The following MAP7D1 variants were observed in gnomAD, a reference collection of about 807,000 sequenced individuals.
MAP7D1 encodes the protein MAP7 domain-containing protein 1.
In MAP7D1, 30 loss-of-function variants were observed where a neutral mutation model predicts 97.5. The ratio of observed to expected loss-of-function variants is 0.31; its 90% CI spans 0.23 to 0.42. MAP7D1 has a LOEUF of 0.42. MAP7D1 is among the 10% of genes least tolerant of loss of function. The pLI is 1.00. For missense variants in MAP7D1, 1,184 were observed against 1,179.5 expected (o/e 1.00, Z -0.06); for synonymous variants, 536 against 477.1 (o/e 1.12, Z -1.61).
At chr1:36,162,743 C>CT (rs1421496714) in intron 1 of MAP7D1, among the ~76,000 whole-genome samples, 1 of 152,188 alleles carries the variant, frequency 6.6e-6, no homozygotes, top group Non-Finnish European at 1.5e-5. Context: ...TTTAGAGAGA[C>CT]TAAGCTTTGG....
Position 36,176,101 on chromosome 1 carries a change from G to C in MAP7D1, c.851-98G>C. 7.2e-7 allele frequency: 1 copy of C among 1,383,950 alleles called. No individual in the cohort carries two copies. Among genetic ancestry groups the C allele is most frequent in the Non-Finnish European group, 9.8e-7 (1 of 1,022,642 alleles). The allele number at this position is 1,383,950 out of a possible 1,614,324, so 85.7% of individuals were successfully genotyped here. ...AGAGGACTCCCGGGTGAGAAGCCTT[G>C]GCCTTGGCATGGGGATGGTGCCTGG... On this transcript the variant is annotated intron_variant, in intron 6 of 16. Transcript: ENST00000474796. This position sits in a 1 kb window ranked among gnomAD's most constrained non-coding sequence, Gnocchi z 6.1.
intron 1 of MAP7D1, among the ~76,000 whole-genome samples, chr1:36,167,244 C>T (rs1419240678): frequency 6.6e-6 from 1 of 152,152 alleles, no homozygotes; most frequent in Non-Finnish European, 1.5e-5. Flanking sequence ...GCAAAGATGA[C>T]TGAGAAATGA....
At chr1:36,172,373 G>C in intron 3 of MAP7D1, 91 bp from the exon 4 acceptor site, 1 of 1,298,726 alleles carries the variant, frequency 7.7e-7, no homozygotes, top group South Asian at 2.2e-5. Context: ...CCAGGGCATG[G>C]GTAGCAGGGC....
chr1:36,164,987 G>C (rs1307315565), intron 1 of MAP7D1, among the ~76,000 whole-genome samples: 1 of 152,210 alleles, frequency 6.6e-6, no homozygotes, highest in Non-Finnish European at 1.5e-5. Context: ...GCAAAAATTT[G>C]TGCCCTCATA....
At position 36,179,300 on chromosome 1, in the gene MAP7D1, A is replaced by G; in HGVS notation, c.2169A>G (p.Glu723=). Residue 723 remains glutamate, a synonymous_variant, in exon 13 of 17, where the codon GAA becomes GAG. Transcript: ENST00000474796. ...EEIMKRTRKS[E]VSETKKQDSK... ...TCATGAAGAGGACTCGGAAGTCAGA[A>G]GTTTCTGAAACCAAGGTCAGAATTC... The G allele has an allele frequency of 4.3e-6, 7 of 1,614,092 alleles. No homozygotes were observed. The highest frequency in any genetic ancestry group is 5.9e-6 in the Non-Finnish European group (7 of 1,179,994).
At chr1:36,170,354 A>G (rs972489450) in intron 1 of MAP7D1, among the ~76,000 whole-genome samples, 3 of 152,260 alleles carry the variant, frequency 2.0e-5, no homozygotes, top group African/African-American at 7.2e-5. Context: ...ACAGCAAAGC[A>G]TTCCACTAGA....
Position 36,159,417 on chromosome 1 carries a change from G to A in MAP7D1, c.46+2954G>A, listed in dbSNP as rs1047210712. Among the ~76,000 whole-genome samples the A allele has an allele frequency of 2.0e-5, 3 of 152,122 alleles. No individual in the cohort carries two copies. The highest frequency in any genetic ancestry group is 7.2e-5 in the African/African-American group (3 of 41,424). On this transcript the variant is annotated intron_variant, in intron 1 of 16. Transcript: ENST00000474796. The surrounding 1 kb of genome is among the most constrained non-coding windows in gnomAD (Gnocchi z 5.4). Reference sequence around the variant, plus strand: ...CAGAAGCCTGAGATGTGATTGATTAGAATTGTAGGAGGTAAGTATAGGACA... The same window carrying A: ...CAGAAGCCTGAGATGTGATTGATTAAAATTGTAGGAGGTAAGTATAGGACA...
intron 3 of MAP7D1, chr1:36,171,834 T>A (rs1299926729): frequency 3.2e-6 from 1 of 314,772 alleles, no homozygotes; most frequent in Admixed American, 4.5e-5. Context: ...CTCGGGAGAC[T>A]GAGATAGGAG....
Position 36,176,562 on chromosome 1 carries a change from G to C in MAP7D1, c.1214G>C (p.Arg405Pro), listed in dbSNP as rs768306601. The C allele has an allele frequency of 6.8e-7, 1 of 1,476,722 alleles. No homozygotes were observed. Among genetic ancestry groups the C allele is most frequent in the East Asian group, 2.5e-5 (1 of 40,282 alleles). The allele number at this position is 1,476,722 out of a possible 1,614,324, so 91.5% of individuals were successfully genotyped here. ...GGGGGCAGCCCCGCTCCGGTGCGCC[G>C]CCGGCCGGAGGCCTCGCCGGTGAGT... Reference protein sequence around the residue: ...NAGGSPAPVRRRPEASPVQKK... With the variant: ...NAGGSPAPVRPRPEASPVQKK... The change falls in exon 7 of 17, where the codon CGC (arginine) becomes CCC (proline). Residue 405 changes from arginine (R) to proline (P), a missense_variant. Transcript: ENST00000474796. The surrounding 1 kb of genome is among the most constrained non-coding windows in gnomAD (Gnocchi z 6.1).
chr1:36,160,174 A>T (rs1644388753), intron 1 of MAP7D1, among the ~76,000 whole-genome samples: 1 of 152,194 alleles, frequency 6.6e-6, no homozygotes, highest in Admixed American at 6.5e-5. Context: ...CCTTGGGGCT[A>T]GTGAGGGAGC....
intron 1 of MAP7D1, among the ~76,000 whole-genome samples, chr1:36,161,763 T>C (rs949500474): frequency 6.6e-6 from 1 of 152,130 alleles, no homozygotes; most frequent in Non-Finnish European, 1.5e-5. Context: ...AGGCTTTGTC[T>C]GTTTCTTAGA....
At chr1:36,165,529 C>T (rs1443364789) in intron 1 of MAP7D1, among the ~76,000 whole-genome samples, 2 of 148,620 alleles carry the variant, frequency 1.3e-5, no homozygotes, top group Admixed American at 6.8e-5. Flanking sequence ...GCAGCATGCT[C>T]ATAGTTCACT....
At chr1:36,174,856 CTG>C in intron 5 of MAP7D1, 40 bp from the exon 6 acceptor site, 12 of 1,309,682 alleles carry the variant, frequency 9.2e-6, no homozygotes, top group Non-Finnish European at 1.3e-5. Context: ...CCACTGGCTC[CTG>C]CCGGGCCCGG....
At chr1:36,179,448 G>C (rs1333464522) in intron 13 of MAP7D1, 67 bp from the exon 14 acceptor site, 1 of 1,575,802 alleles carries the variant, frequency 6.3e-7, no homozygotes. Context: ...GGGGAGGGCC[G>C]AACTCAGTCC....
chr1:36,180,018 G>A lies in MAP7D1; in HGVS notation c.2463G>A (p.Glu821=). ...RTPETLLPFA[E]AEAFLKKAVV... ...CAGAGACACTCCTGCCCTTTGCAGA[G>A]GCAGAAGCCTTCCTCAAGAAAGCTG... Residue 821 remains glutamate, a synonymous_variant, in exon 16 of 17, where the codon GAG becomes GAA. Transcript: ENST00000474796. 1 of 1,614,176 alleles carries A rather than the reference G, an allele frequency of 6.2e-7. No individual in the cohort carries two copies. Among genetic ancestry groups the A allele is most frequent in the Non-Finnish European group, 8.5e-7 (1 of 1,180,026 alleles).
chr1:36,171,458 G>A, intron 2 of MAP7D1, 55 bp from the exon 3 acceptor site: 1 of 1,601,800 alleles, frequency 6.2e-7, no homozygotes, highest in Non-Finnish European at 8.5e-7. Flanking sequence ...ATCTGAGGCT[G>A]ACTCCTCTTT....
chr1:36,171,617 G>A (rs750210740), intron 3 of MAP7D1, 36 bp downstream of exon 3: 15 of 1,606,234 alleles, frequency 9.3e-6, no homozygotes, highest in Middle Eastern at 1.7e-4. Flanking sequence ...CTTCTTCATC[G>A]TCATCATCAG....
At position 36,176,825 on chromosome 1, in the gene MAP7D1, C is replaced by T; in HGVS notation, c.1362C>T (p.Ser454=). The change falls in exon 8 of 17, where the codon AGC becomes AGT. Residue 454 remains serine (S), a synonymous_variant. Coordinates refer to ENST00000474796, the MANE Select transcript of MAP7D1 (RefSeq NM_001388490.1). This position sits in a 1 kb window ranked among gnomAD's most constrained non-coding sequence, Gnocchi z 6.1. Reference sequence around the variant, plus strand: ...CCCCACGTGCCCGCCTCTCTGCCAGCACCGCCTCTGAGCTCAGGTGGGCGC... The same window carrying T: ...CCCCACGTGCCCGCCTCTCTGCCAGTACCGCCTCTGAGCTCAGGTGGGCGC... The part of the protein sequence containing the change: ...PASPRARLSA[S]TASELSPKSK... 1 of 1,597,664 alleles carries T rather than the reference C, an allele frequency of 6.3e-7. No homozygotes were observed. The highest frequency in any genetic ancestry group is 8.5e-7 in the Non-Finnish European group (1 of 1,172,822).
intron 6 of MAP7D1, among the ~76,000 whole-genome samples, chr1:36,175,925 G>C (rs1329509479): frequency 4.6e-5 from 7 of 152,322 alleles, no homozygotes; most frequent in African/African-American, 1.7e-4. Flanking sequence ...TCCTATATGC[G>C]CCGTTCAGGG....
Sources: gnomAD v4.1 joint callset for allele counts (sites outside exome capture counted in the v4.1 genomes callset) on GRCh38, gnomAD v4.1.1 for gene constraint, Gnocchi (gnomAD v3.1) non-coding constraint, MANE v1.5 for transcripts, NCBI Gene and HGNC (gene_info 2026-07-23, HGNC 2026-07-21) for gene names.